PPP2R2B: variants seen among roughly 807,000 people sequenced by gnomAD.
PPP2R2B encodes the protein protein phosphatase 2 regulatory subunit Bbeta.
PPP2R2B carries 5 observed loss-of-function variants against 46.0 expected under a neutral mutation model. The observed-to-expected ratio is 0.11, with a 90% confidence interval of 0.06 to 0.23. The LOEUF is 0.23. Ranked by LOEUF, PPP2R2B falls within the 10% of genes least tolerant of loss-of-function variation. The pLI, the probability that PPP2R2B is intolerant of heterozygous loss-of-function variation, is 1.00. For missense variants in PPP2R2B, 367 were observed against 575.0 expected, an observed-to-expected ratio of 0.64 and a Z score of 3.70; for synonymous variants, 215 against 206.7, an observed-to-expected ratio of 1.04 and a Z score of -0.34.
At chr5:146,842,926 C>CGCCT (rs1174850737) in intron 2 of PPP2R2B, among the ~76,000 whole-genome samples, 1 of 152,216 alleles carries the variant, frequency 6.6e-6, no homozygotes, top group Non-Finnish European at 1.5e-5. Context: ...CGGTGGCTCA[C>CGCCT]GCCTGTAATC....
intron 1 of PPP2R2B, among the ~76,000 whole-genome samples, chr5:146,916,258 GA>G (rs1561516229): frequency 2.1e-5 from 3 of 145,048 alleles, no homozygotes; most frequent in South Asian, 4.3e-4. Flanking sequence ...CCAGAAGAGT[GA>G]AAAAAAAGAA....
intron 2 of PPP2R2B, among the ~76,000 whole-genome samples, chr5:146,724,145 G>A (rs756489044): frequency 1.3e-5 from 2 of 152,124 alleles, no homozygotes; most frequent in African/African-American, 4.8e-5. Context: ...AAAAAGGCAG[G>A]TTGTCTATGT....
chr5:146,592,732 T>A (rs1201034183), intron 9 of PPP2R2B, among the ~76,000 whole-genome samples: 1 of 152,222 alleles, frequency 6.6e-6, no homozygotes, highest in Non-Finnish European at 1.5e-5. Flanking sequence ...TAGGACTTTC[T>A]TATTAACATT....
chr5:146,677,770 C>G (rs917702197), intron 5 of PPP2R2B, among the ~76,000 whole-genome samples: 1 of 152,014 alleles, frequency 6.6e-6, no homozygotes, highest in African/African-American at 2.4e-5. Context: ...TCAAGCGATC[C>G]ACCCACCCCA....
At chr5:146,856,018 T>C (rs1487223791) in intron 2 of PPP2R2B, among the ~76,000 whole-genome samples, 1 of 152,234 alleles carries the variant, frequency 6.6e-6, no homozygotes, top group Non-Finnish European at 1.5e-5. Context: ...TACCTTTTAT[T>C]CTTCGTTATA....
At chr5:146,939,186 G>A (rs1764248048) in intron 1 of PPP2R2B, among the ~76,000 whole-genome samples, 14 of 151,974 alleles carry the variant, frequency 9.2e-5, no homozygotes, top group Admixed American at 9.2e-4. Flanking sequence ...TGGTTAAAAG[G>A]GTGTGAAGAT....
chr5:146,713,253 T>G (rs867893222), intron 2 of PPP2R2B, among the ~76,000 whole-genome samples: 2 of 152,044 alleles, frequency 1.3e-5, no homozygotes, highest in African/African-American at 2.4e-5. Flanking sequence ...AAGAGGGAAA[T>G]GAACATGTGT....
intron 2 of PPP2R2B, among the ~76,000 whole-genome samples, chr5:146,717,957 C>T (rs571873100): frequency 6.6e-5 from 10 of 152,282 alleles, no homozygotes; most frequent in African/African-American, 1.9e-4. Flanking sequence ...AAAGTCTTCA[C>T]ATTGTTCTTT....
intron 1 of PPP2R2B, among the ~76,000 whole-genome samples, chr5:146,903,894 CAG>C (rs1272234505): frequency 2.6e-5 from 4 of 151,988 alleles, no homozygotes; most frequent in Non-Finnish European, 4.4e-5. Context: ...ATGCTTAAGC[CAG>C]AGTTGGCACA....
At chr5:146,835,127 T>C (rs1013256210) in intron 2 of PPP2R2B, among the ~76,000 whole-genome samples, 1 of 152,188 alleles carries the variant, frequency 6.6e-6, no homozygotes, top group Non-Finnish European at 1.5e-5. Flanking sequence ...ATTTCAGAAA[T>C]CATAATGAAA....
At chr5:147,019,048 A>G (rs1755137217) in intron 1 of PPP2R2B, among the ~76,000 whole-genome samples, 1 of 152,204 alleles carries the variant, frequency 6.6e-6, no homozygotes, top group African/African-American at 2.4e-5. Flanking sequence ...AGGAATGTTC[A>G]GAGAGGTCAG....
chr5:147,077,999 G>A lies in PPP2R2B; in HGVS notation c.50+3060C>T, dbSNP rs376177971. Among the ~76,000 whole-genome samples, 7 of 152,326 alleles carry A rather than the reference G, an allele frequency of 4.6e-5. No homozygotes were observed. In the South Asian group the frequency reaches 6.2e-4, roughly 14 times the overall value. ...CTCTATTTTCAAAACAATGTTTAAA[G>A]AGCAGGGGCTTTGGAGTCCCAAAGA... On this transcript the variant is annotated intron_variant, in intron 2 of 10. Transcript: ENST00000394413.
At chr5:146,837,390 A>T (rs1759351605) in intron 2 of PPP2R2B, among the ~76,000 whole-genome samples, 2 of 152,228 alleles carry the variant, frequency 1.3e-5, no homozygotes. Context: ...TTTCAACTTA[A>T]TGATGGGTTT....
intron 1 of PPP2R2B, among the ~76,000 whole-genome samples, chr5:146,943,452 G>T (rs1029090800): frequency 6.6e-6 from 1 of 152,140 alleles, no homozygotes; most frequent in African/African-American, 2.4e-5. Context: ...CAACATTCTT[G>T]CTGTAACTAA....
At chr5:146,901,535 C>T (rs1452397909) in intron 1 of PPP2R2B, among the ~76,000 whole-genome samples, 3 of 151,936 alleles carry the variant, frequency 2.0e-5, no homozygotes, top group Admixed American at 6.6e-5. Context: ...ACAAACTCCC[C>T]TACATTTCCA....
At chr5:146,878,971 C>T (rs1270499632), upstream of PPP2R2B, 4 of 1,086,688 alleles carry the variant, frequency 3.7e-6, no homozygotes, top group African/African-American at 1.7e-5. This position sits in a 1 kb window ranked among gnomAD's most constrained non-coding sequence, Gnocchi z 4.5. Context: ...CTCTTCCAAC[C>T]TCCTCCCCTC....
intron 2 of PPP2R2B, among the ~76,000 whole-genome samples, chr5:147,069,792 T>TTTTTTTTTG (rs1561611858): frequency 1.6e-5 from 2 of 123,024 alleles, no homozygotes; most frequent in African/African-American, 6.7e-5. Flanking sequence ...ACTGTTTTTT[T>TTTTTTTTTG]TTTTTTTTTT....
intron 2 of PPP2R2B, among the ~76,000 whole-genome samples, chr5:146,850,952 G>A (rs1396074724): frequency 1.3e-5 from 2 of 152,222 alleles, no homozygotes; most frequent in Non-Finnish European, 1.5e-5. Flanking sequence ...TTTGGATTCA[G>A]AAGAATATGT....
chr5:146,896,195 G>A (rs990029652), intron 1 of PPP2R2B, among the ~76,000 whole-genome samples: 2 of 152,090 alleles, frequency 1.3e-5, no homozygotes, highest in African/African-American at 4.8e-5. Flanking sequence ...ACATTTTAAA[G>A]CCTGTTTACC....
Sources: gnomAD v4.1 joint callset for allele counts (sites outside exome capture counted in the v4.1 genomes callset) on GRCh38, gnomAD v4.1.1 for gene constraint, Gnocchi (gnomAD v3.1) non-coding constraint, MANE v1.5 for transcripts, NCBI Gene and HGNC (gene_info 2026-07-23, HGNC 2026-07-21) for gene names.